MEOX2: variants seen among roughly 807,000 people sequenced by gnomAD.
The protein encoded by MEOX2 is mesenchyme homeobox 2.
MEOX2 carries 11 observed loss-of-function variants against 27.0 expected under a neutral mutation model. That is an observed-to-expected ratio of 0.41 (90% CI 0.26 to 0.68). MEOX2 has a LOEUF of 0.68. Ranked by LOEUF, MEOX2 falls within the 30% of genes least tolerant of loss-of-function variation. MEOX2 has a pLI of 0.33. For missense variants in MEOX2, 436 were observed against 385.4 expected (o/e 1.13, Z -1.10); for synonymous variants, 189 against 155.4 (o/e 1.22, Z -1.61).
intron 2 of MEOX2, among the ~76,000 whole-genome samples, chr7:15,613,381 A>G (rs1781063831): frequency 1.1e-5 from 1 of 90,752 alleles, no homozygotes; most frequent in East Asian, 3.6e-4. Flanking sequence ...TAAATAACAT[A>G]TATGTATTAA....
At chr7:15,647,269 AG>A (rs1361240312) in intron 1 of MEOX2, among the ~76,000 whole-genome samples, 6 of 152,116 alleles carry the variant, frequency 3.9e-5, no homozygotes, top group Non-Finnish European at 8.8e-5. Context: ...GAGTGTTGGA[AG>A]AACATCACAA....
intron 1 of MEOX2, among the ~76,000 whole-genome samples, chr7:15,636,781 C>A (rs1781485042): frequency 6.6e-6 from 1 of 152,022 alleles, no homozygotes; most frequent in Admixed American, 6.6e-5. Flanking sequence ...ATCCTAGAGG[C>A]TGAGAAGAAG....
chr7:15,661,187 A>T (rs927298640), intron 1 of MEOX2, among the ~76,000 whole-genome samples: 1 of 152,100 alleles, frequency 6.6e-6, no homozygotes, highest in East Asian at 1.9e-4. Flanking sequence ...GTAGGCTTTG[A>T]TAACTAAAAA....
At chr7:15,683,982 A>T (rs183912103) in intron 1 of MEOX2, among the ~76,000 whole-genome samples, 212 of 151,542 alleles carry the variant, frequency 1.4e-3, no homozygotes, top group African/African-American at 4.7e-3. Context: ...GTTGGGGGGG[A>T]GAGATAAATT....
intron 1 of MEOX2, among the ~76,000 whole-genome samples, chr7:15,633,242 AG>A (rs1258117418): frequency 3.3e-5 from 5 of 151,956 alleles, no homozygotes; most frequent in Admixed American, 2.0e-4. Flanking sequence ...CAGAAGCAAT[AG>A]GCAAGATAGT....
intron 1 of MEOX2, among the ~76,000 whole-genome samples, chr7:15,640,578 G>A (rs759100996): frequency 2.6e-5 from 4 of 152,108 alleles, no homozygotes; most frequent in Non-Finnish European, 5.9e-5. Flanking sequence ...TAGCAATGGT[G>A]AGAGTGGGCA....
At chr7:15,623,684 T>G (rs2115358112) in intron 2 of MEOX2, among the ~76,000 whole-genome samples, 1 of 152,294 alleles carries the variant, frequency 6.6e-6, no homozygotes, top group African/African-American at 2.4e-5. Context: ...GATTGTTAAT[T>G]TAAGATATTT....
chr7:15,612,635 C>CA, intron 2 of MEOX2, 24 bp from the exon 3 acceptor site: 1 of 1,595,232 alleles, frequency 6.3e-7, no homozygotes, highest in Non-Finnish European at 8.6e-7. Flanking sequence ...AGGGAACAAA[C>CA]AAACAGAAAA....
At chr7:15,629,224 G>C (rs1380833571) in intron 1 of MEOX2, among the ~76,000 whole-genome samples, 1 of 151,978 alleles carries the variant, frequency 6.6e-6, no homozygotes, top group Non-Finnish European at 1.5e-5. Flanking sequence ...ATATTCAAAA[G>C]TACTTCATAA....
At chr7:15,641,920 A>T (rs1233861547) in intron 1 of MEOX2, among the ~76,000 whole-genome samples, 1 of 152,152 alleles carries the variant, frequency 6.6e-6, no homozygotes. Context: ...ATTCGAAAAA[A>T]AAGGCTAAAA....
chr7:15,659,853 T>C (rs1291313643), intron 1 of MEOX2, among the ~76,000 whole-genome samples: 8 of 152,062 alleles, frequency 5.3e-5, no homozygotes, highest in Admixed American at 1.3e-4. Context: ...TTTCCACAAT[T>C]ATTCAAATAT....
chr7:15,685,957 T>C lies in MEOX2; in HGVS notation c.446A>G (p.Tyr149Cys). 1.2e-6 allele frequency: 2 copies of C among 1,610,890 alleles called. No homozygotes were observed. The highest frequency in any genetic ancestry group is 1.7e-6 in the Non-Finnish European group (2 of 1,179,426). The part of the protein sequence containing the change: ...PTGAACAPGD[Y>C]GRQALSPAEA... ...CGCAGGTGACAGTGCCTGGCGGCCG[T>C]AGTCCCCCGGCGCGCACGCGGCCCC... Residue 149 changes from tyrosine to cysteine, a missense_variant, in exon 1 of 3, where the codon TAC (tyrosine) becomes TGC (cysteine). Physicochemically the swap from Tyr to Cys is radical, Grantham distance 194. Transcript: ENST00000262041.
At chr7:15,625,332 G>A (rs1336175443) in intron 2 of MEOX2, among the ~76,000 whole-genome samples, 1 of 152,102 alleles carries the variant, frequency 6.6e-6, no homozygotes, top group Non-Finnish European at 1.5e-5. Context: ...ACCCATAGAG[G>A]GAATTTTGTA....
intron 1 of MEOX2, among the ~76,000 whole-genome samples, chr7:15,634,174 T>C (rs560538253): frequency 6.6e-6 from 1 of 152,100 alleles, no homozygotes; most frequent in Non-Finnish European, 1.5e-5. Context: ...AAGGAACATA[T>C]TGCCCAGAGA....
chr7:15,613,266 A>G (rs1204168704), intron 2 of MEOX2, among the ~76,000 whole-genome samples: 1 of 152,088 alleles, frequency 6.6e-6, no homozygotes, highest in Non-Finnish European at 1.5e-5. Context: ...TTAAATGCTA[A>G]CACCAAGATT....
intron 1 of MEOX2, among the ~76,000 whole-genome samples, chr7:15,653,289 T>TA (rs1384036367): frequency 2.6e-5 from 4 of 152,188 alleles, no homozygotes; most frequent in African/African-American, 7.2e-5. Context: ...TTCTGTTTGA[T>TA]AAAAAATCTC....
At chr7:15,678,452 T>G (rs1171211120) in intron 1 of MEOX2, among the ~76,000 whole-genome samples, 1 of 152,224 alleles carries the variant, frequency 6.6e-6, no homozygotes, top group Non-Finnish European at 1.5e-5. Context: ...GTTTCCTGTT[T>G]GTGTTACCTA....
chr7:15,648,674 A>C (rs187717717), intron 1 of MEOX2, among the ~76,000 whole-genome samples: 1 of 152,244 alleles, frequency 6.6e-6, no homozygotes, highest in Non-Finnish European at 1.5e-5. Flanking sequence ...AGAACTGAAG[A>C]GTTACTGCCA....
intron 1 of MEOX2, among the ~76,000 whole-genome samples, chr7:15,669,888 C>T (rs185549145): frequency 6.6e-6 from 1 of 152,296 alleles, no homozygotes. Context: ...TTAGTTGCCA[C>T]TGCCTGATTC....
Sources: gnomAD v4.1 joint callset for allele counts (sites outside exome capture counted in the v4.1 genomes callset) on GRCh38, gnomAD v4.1.1 for gene constraint, MANE v1.5 for transcripts, NCBI Gene and HGNC (gene_info 2026-07-23, HGNC 2026-07-21) for gene names.